Variants in CDH23 observed in about 807,000 individuals in gnomAD.
The protein encoded by CDH23 is cadherin-23.
In CDH23, 189 loss-of-function variants were observed where a neutral mutation model predicts 317.1. That is an observed-to-expected ratio of 0.60 (90% CI 0.53 to 0.67). The LOEUF is 0.67. Among genes scored for constraint, CDH23 ranks in the 30% least tolerant of loss-of-function variants. The pLI is 0.00. For synonymous variants in CDH23, 1,839 were observed against 1,876.8 expected, an observed-to-expected ratio of 0.98 and a Z score of 0.52; for missense variants, 4,401 against 4,592.4, an observed-to-expected ratio of 0.96 and a Z score of 1.20.
intron 57 of CDH23, among the ~76,000 whole-genome samples, chr10:71,806,564 T>C (rs1300324020): frequency 6.9e-6 from 1 of 144,820 alleles, no homozygotes; most frequent in Admixed American, 7.1e-5. Flanking sequence ...ACACAAAGCA[T>C]GAAAATCAGC....
intron 1 of CDH23, among the ~76,000 whole-genome samples, chr10:71,437,868 C>A (rs938086593): frequency 2.6e-5 from 4 of 152,166 alleles, no homozygotes; most frequent in Non-Finnish European, 5.9e-5. Flanking sequence ...CTCCAACTGG[C>A]CATCATCCCC....
At position 71,427,249 on chromosome 10, in the gene CDH23, A is replaced by AAGAAAGAAAGAAAG. The variant is rs1564573016; in HGVS notation, c.-5-12567_-5-12566insAAGAGAAAGAAAGA. Reference sequence around the variant, plus strand: ...AGAAAGAAAGAAAGAAAGAAAGGGAAAGAAAGAAAGAGAAAGAGAGAAAGA... The same window carrying AAGAAAGAAAGAAAG: ...AGAAAGAAAGAAAGAAAGAAAGGGAAAGAAAGAAAGAAAGAGAAAGAAAGAGAAAGAGAGAAAGA... On this transcript the variant is annotated intron_variant, in intron 1 of 69. Transcript: ENST00000224721. Among the ~76,000 whole-genome samples the AAGAAAGAAAGAAAG allele has an allele frequency of 8.1e-4, 111 of 136,256 alleles. 2 individuals are homozygous for AAGAAAGAAAGAAAG. Among genetic ancestry groups the AAGAAAGAAAGAAAG allele is most frequent in the African/African-American group, 2.8e-3 (98 of 35,110 alleles). The allele number at this position is 136,256 out of a possible 152,430, so 89.4% of individuals were successfully genotyped here. A position where few individuals can be genotyped will look rare whatever the true frequency, so the allele number is the denominator to read the frequency against.
At chr10:71,472,274 G>A (rs1851555607) in intron 3 of CDH23, among the ~76,000 whole-genome samples, 1 of 152,184 alleles carries the variant, frequency 6.6e-6, no homozygotes, top group Admixed American at 6.5e-5. Context: ...CTCCTCGGGT[G>A]GTAGCTCCAA....
At chr10:71,446,544 CCAGGGA>C (rs1564585504) in intron 3 of CDH23, 149 bp downstream of exon 3, 3 of 737,896 alleles carry the variant, frequency 4.1e-6, no homozygotes, top group Non-Finnish European at 6.9e-6. Context: ...TAGGATGCCT[CCAGGGA>C]CAGGGCACTC....
chr10:71,814,736 AG>A (rs1288288062), intron 69 of CDH23, among the ~76,000 whole-genome samples: 3 of 151,718 alleles, frequency 2.0e-5, no homozygotes, highest in Admixed American at 6.6e-5. Context: ...ACACACACAC[AG>A]ATTTTCACAA....
intron 30 of CDH23, among the ~76,000 whole-genome samples, chr10:71,728,226 C>G (rs965347809): frequency 3.9e-5 from 6 of 152,140 alleles, no homozygotes; most frequent in Non-Finnish European, 5.9e-5. Context: ...TCTTCCCCAG[C>G]CAAGTTCTGG....
intron 6 of CDH23, among the ~76,000 whole-genome samples, chr10:71,534,340 C>G (rs1855579731): frequency 1.3e-5 from 2 of 152,316 alleles, no homozygotes; most frequent in South Asian, 2.1e-4. Flanking sequence ...TCTTGCCACT[C>G]TCATGTCTGG....
At chr10:71,660,008 T>TG (rs1176494895) in intron 14 of CDH23, among the ~76,000 whole-genome samples, 1 of 145,588 alleles carries the variant, frequency 6.9e-6, no homozygotes, top group Non-Finnish European at 1.5e-5. Flanking sequence ...CTTGCCAGGC[T>TG]GGAGTACCAT....
At chr10:71,688,664 G>A (rs1329671561) in intron 19 of CDH23, among the ~76,000 whole-genome samples, 1 of 138,612 alleles carries the variant, frequency 7.2e-6, no homozygotes, top group Admixed American at 7.1e-5. Context: ...AGCCAGGGGT[G>A]GTGGAGTCAG....
chr10:71,774,302 C>T (rs1840767149), intron 38 of CDH23, among the ~76,000 whole-genome samples: 1 of 152,040 alleles, frequency 6.6e-6, no homozygotes. Flanking sequence ...CTTCTAGTGC[C>T]TCTGCTCTTG....
chr10:71,668,872 C>T (rs1289548239), intron 14 of CDH23, among the ~76,000 whole-genome samples: 1 of 152,162 alleles, frequency 6.6e-6, no homozygotes, highest in Middle Eastern at 3.2e-3. Flanking sequence ...TCCTTTTTGT[C>T]AGCAGAAGAA....
chr10:71,635,466 AC>A (rs1482106139), intron 11 of CDH23, among the ~76,000 whole-genome samples: 12 of 152,328 alleles, frequency 7.9e-5, no homozygotes, highest in African/African-American at 2.9e-4. Context: ...CCAGCAAATT[AC>A]CCTTAAAGAG....
Position 71,418,646 on chromosome 10 carries a change from G to A in CDH23, c.-5-21181G>A, listed in dbSNP as rs571058600. 9.5e-4 allele frequency among the ~76,000 whole-genome samples: 145 copies of A among 152,300 alleles called. 1 individual carries two copies. The highest frequency in any genetic ancestry group is 1.2e-3 in the Non-Finnish European group (83 of 68,014). ...TCTGGGCTTACTTCTGGGAGATTCC[G>A]TTCTCTGGATCGTCATACCGTAGCT... On this transcript the variant is annotated intron_variant, in intron 1 of 69. Transcript: ENST00000224721.
intron 6 of CDH23, among the ~76,000 whole-genome samples, chr10:71,563,264 T>C (rs1857222622): frequency 6.6e-6 from 1 of 152,188 alleles, no homozygotes; most frequent in South Asian, 2.1e-4. Context: ...CTGGACTAGA[T>C]GACCCCAAGG....
intron 9 of CDH23, among the ~76,000 whole-genome samples, chr10:71,610,171 T>C (rs1191501214): frequency 7.2e-5 from 11 of 152,122 alleles, no homozygotes; most frequent in Non-Finnish European, 1.2e-4. Context: ...GCCCGGCTAA[T>C]TTTTATATTT....
chr10:71,756,140 C>T (rs1840140544), intron 38 of CDH23, among the ~76,000 whole-genome samples: 1 of 152,112 alleles, frequency 6.6e-6, no homozygotes, highest in Non-Finnish European at 1.5e-5. Context: ...CAATTTTAAA[C>T]TTATTAAACT....
Position 71,680,757 on chromosome 10 carries a change from A to AG in CDH23, c.1858+1265_1858+1266insG, listed in dbSNP as rs1864593560. Reference sequence around the variant, plus strand: ...GTGACACTCCGTCTCAAAAAAAAAAAAAAAAAGAAAAAGAAATTGCATTCT... The same window carrying AG: ...GTGACACTCCGTCTCAAAAAAAAAAAGAAAAAAGAAAAAGAAATTGCATTCT... On this transcript the variant is annotated intron_variant, in intron 17 of 69. Transcript: ENST00000224721. Among the ~76,000 whole-genome samples, 4 of 142,374 alleles carry AG rather than the reference A, an allele frequency of 2.8e-5. 1 individual carries two copies. The highest frequency in any genetic ancestry group is 5.3e-5 in the African/African-American group (2 of 37,466). The allele number at this position is 142,374 out of a possible 152,430, so 93.4% of individuals were successfully genotyped here. A position where few individuals can be genotyped will look rare whatever the true frequency, so the allele number is the denominator to read the frequency against.
At chr10:71,542,576 C>T (rs1856043669) in intron 6 of CDH23, among the ~76,000 whole-genome samples, 1 of 152,228 alleles carries the variant, frequency 6.6e-6, no homozygotes, top group Admixed American at 6.5e-5. Context: ...TTGCCCTGTA[C>T]AGCCTCTCTC....
At chr10:71,616,457 T>C (rs1455146727) in intron 10 of CDH23, among the ~76,000 whole-genome samples, 1 of 152,216 alleles carries the variant, frequency 6.6e-6, no homozygotes, top group East Asian at 1.9e-4. Flanking sequence ...TCTCCTGCCA[T>C]GGAAGTGAGG....
Sources: allele counts gnomAD v4.1 joint callset (sites outside exome capture counted in the v4.1 genomes callset), GRCh38; gene constraint gnomAD v4.1.1; transcripts MANE v1.5; gene names NCBI Gene and HGNC (gene_info 2026-07-23, HGNC 2026-07-21).